Variants in PLCH1 observed in about 807,000 individuals in gnomAD.
The protein encoded by PLCH1 is phospholipase C eta 1, also known as 1-phosphatidylinositol 4,5-bisphosphate phosphodiesterase eta-1.
PLCH1 carries 60 observed loss-of-function variants against 126.7 expected under a neutral mutation model. The observed-to-expected ratio is 0.47, with a 90% CI of 0.38 to 0.59. The LOEUF is 0.59. Ranked by LOEUF, PLCH1 falls within the 20% of genes least tolerant of loss-of-function variation. The probability of loss-of-function intolerance (pLI) is 0.00; values close to 1 mark genes in which losing one functional copy is unlikely to be tolerated. For missense variants in PLCH1, 1,723 were observed against 2,040.0 expected, an observed-to-expected ratio of 0.84 and a Z score of 2.99; for synonymous variants, 719 against 734.9, an observed-to-expected ratio of 0.98 and a Z score of 0.35.
intron 1 of PLCH1, among the ~76,000 whole-genome samples, chr3:155,735,633 CAAA>C (rs200682543): frequency 1.2e-5 from 1 of 81,372 alleles, no homozygotes. Flanking sequence ...GACTCCATCT[CAAA>C]AAAAAAAAAA....
At chr3:155,689,360 A>G (rs936641693) in intron 2 of PLCH1, among the ~76,000 whole-genome samples, 1 of 152,184 alleles carries the variant, frequency 6.6e-6, no homozygotes, top group African/African-American at 2.4e-5. Flanking sequence ...TAACTCTTCA[A>G]TGCCCAAACA....
intron 1 of PLCH1, among the ~76,000 whole-genome samples, chr3:155,727,493 T>C (rs1289637015): frequency 1.3e-5 from 2 of 151,688 alleles, no homozygotes; most frequent in Non-Finnish European, 2.9e-5. Flanking sequence ...GCTCAAGCGA[T>C]TCTCCTGCCT....
At chr3:155,497,277 G>T in intron 15 of PLCH1, 43 bp downstream of exon 15, 1 of 1,286,284 alleles carries the variant, frequency 7.8e-7, no homozygotes, top group Non-Finnish European at 1.1e-6. Flanking sequence ...GAAAGGTCAA[G>T]AATGTTTATT....
chr3:155,466,495 C>G (rs972187496), intron 21 of PLCH1, among the ~76,000 whole-genome samples: 4 of 152,154 alleles, frequency 2.6e-5, no homozygotes, highest in Admixed American at 2.6e-4. Context: ...TTTCAAATAC[C>G]TAGAAAACCT....
rs532114303 is a variant in PLCH1, at chr3:155,591,671, C to G, written c.470+2270G>C. Among the ~76,000 whole-genome samples, 6 of 152,250 alleles carry G rather than the reference C, an allele frequency of 3.9e-5. No homozygotes were observed. In the South Asian group the frequency reaches 6.2e-4, roughly 16 times the overall value. ...CATTTTTATGTCTCACATTTAATCT[C>G]TAATATGACAAGTATCAATAAATAG... is the stretch of plus-strand genomic sequence containing the variant. On this transcript the variant is annotated intron_variant, in intron 4 of 22. Transcript: ENST00000460012.
chr3:155,647,179 T>C (rs1283844126), intron 2 of PLCH1, among the ~76,000 whole-genome samples: 1 of 152,124 alleles, frequency 6.6e-6, no homozygotes, highest in African/African-American at 2.4e-5. Context: ...GCTTTTCCTA[T>C]TCAGTAAGCT....
chr3:155,676,060 A>G (rs1243037208), intron 2 of PLCH1: 3 of 1,510,204 alleles, frequency 2.0e-6, no homozygotes, highest in African/African-American at 1.4e-5. Flanking sequence ...ACTATTACAC[A>G]TTATTGGCAA....
chr3:155,591,958 A>C (rs1018399605), intron 4 of PLCH1, among the ~76,000 whole-genome samples: 3 of 152,048 alleles, frequency 2.0e-5, no homozygotes, highest in Non-Finnish European at 4.4e-5. Flanking sequence ...CTTCCCCCTC[A>C]GCCTCCTAAA....
chr3:155,741,304 G>A (rs1334285217), intron 1 of PLCH1, among the ~76,000 whole-genome samples: 1 of 152,174 alleles, frequency 6.6e-6, no homozygotes, highest in Non-Finnish European at 1.5e-5. Context: ...TGCTTCCCAG[G>A]CCGAGGAGGC....
intron 2 of PLCH1, among the ~76,000 whole-genome samples, chr3:155,604,485 A>G (rs1183643356): frequency 2.0e-5 from 3 of 152,222 alleles, no homozygotes; most frequent in African/African-American, 2.4e-5. Context: ...CGAACGTTGC[A>G]TGTACATAGT....
chr3:155,626,768 C>CAAAAAAAA (rs71155058), intron 2 of PLCH1, among the ~76,000 whole-genome samples: 13 of 49,650 alleles, frequency 2.6e-4, no homozygotes, highest in Non-Finnish European at 4.0e-4. Flanking sequence ...GACTCCGTCT[C>CAAAAAAAA]AAAAAAAAAA....
chr3:155,506,740 T>C (rs1412607056), intron 12 of PLCH1, among the ~76,000 whole-genome samples: 1 of 146,302 alleles, frequency 6.8e-6, no homozygotes, highest in East Asian at 2.0e-4. Flanking sequence ...ATTTTCTTAA[T>C]CCAGTCTATC....
At chr3:155,554,525 A>C (rs1726554294) in intron 8 of PLCH1, among the ~76,000 whole-genome samples, 1 of 149,250 alleles carries the variant, frequency 6.7e-6, no homozygotes, top group African/African-American at 2.4e-5. Flanking sequence ...GATTTCTTGA[A>C]AGGTCATTTA....
Position 155,490,861 on chromosome 3 carries a change from T to C in PLCH1, c.2315A>G (p.Asp772Gly), listed in dbSNP as rs755840495. ...AATAATTTCAACTTCAACAAAAGGG[T>C]CAATGATCTATTAAGTAAAGAGAAA... ...SMFGDRGEII[D>G]PFVEVEIIGL... The change falls in exon 19 of 23, where the codon GAC (aspartate) becomes GGC (glycine). Residue 772 changes from aspartate (D) to glycine (G), a missense_variant. Coordinates refer to ENST00000460012, the MANE Select transcript of PLCH1 (RefSeq NM_014996.4). The C allele has an allele frequency of 2.0e-6, 3 of 1,532,976 alleles. No individual in the cohort carries two copies. The South Asian group carries it at 3.4e-5, about 17-fold the overall frequency. 95.0% of individuals were successfully genotyped at this position (1,532,976 alleles called of 1,614,324 possible). A position where few individuals can be genotyped will look rare whatever the true frequency, so the allele number is the denominator to read the frequency against.
chr3:155,451,743 T>C (rs960900463), intron 21 of PLCH1, among the ~76,000 whole-genome samples: 2 of 152,190 alleles, frequency 1.3e-5, no homozygotes, highest in African/African-American at 4.8e-5. Context: ...TGAGAAAGAA[T>C]GTTTTCTCTC....
At chr3:155,707,441 C>A (rs1746762392) in intron 1 of PLCH1, among the ~76,000 whole-genome samples, 1 of 152,180 alleles carries the variant, frequency 6.6e-6, no homozygotes, top group Non-Finnish European at 1.5e-5. Context: ...GTAATCCCAA[C>A]ACTTTGGGGG....
intron 1 of PLCH1, among the ~76,000 whole-genome samples, chr3:155,719,336 A>G (rs1308733512): frequency 6.6e-6 from 1 of 151,980 alleles, no homozygotes; most frequent in African/African-American, 2.4e-5. Flanking sequence ...TGGACACAGG[A>G]AGGGGAACAT....
At chr3:155,499,653 T>C (rs1717598394) in intron 14 of PLCH1, among the ~76,000 whole-genome samples, 1 of 152,236 alleles carries the variant, frequency 6.6e-6, no homozygotes, top group South Asian at 2.1e-4. Flanking sequence ...TATTGATGTC[T>C]CCTTTGCACA....
intron 2 of PLCH1, among the ~76,000 whole-genome samples, chr3:155,654,472 A>C (rs948380425): frequency 3.3e-5 from 5 of 152,126 alleles, no homozygotes; most frequent in Admixed American, 3.3e-4. Flanking sequence ...TCGATATCTC[A>C]GTCTTAACAT....
Sources: allele counts gnomAD v4.1 joint callset (sites outside exome capture counted in the v4.1 genomes callset), GRCh38; gene constraint gnomAD v4.1.1; transcripts MANE v1.5; gene names NCBI Gene and HGNC (gene_info 2026-07-23, HGNC 2026-07-21).